The following TEAD2 variants were observed in gnomAD, a reference collection of about 807,000 sequenced individuals.
The protein encoded by TEAD2 is transcriptional enhancer factor TEF-4.
In TEAD2, 51 loss-of-function variants were observed where a neutral mutation model predicts 61.4. The observed-to-expected ratio is 0.83, with a 90% CI of 0.66 to 1.05. TEAD2 has a LOEUF of 1.05. TEAD2 is among the 50% of genes least tolerant of loss of function. The pLI, the probability that TEAD2 is intolerant of heterozygous loss-of-function variation, is 0.00. For missense variants in TEAD2, 509 were observed against 600.0 expected, an observed-to-expected ratio of 0.85 and a Z score of 1.58; for synonymous variants, 244 against 243.2, an observed-to-expected ratio of 1.00 and a Z score of -0.03.
At chr19:49,348,671 T>C in intron 9 of TEAD2, 32 bp downstream of exon 9, 1 of 1,586,870 alleles carries the variant, frequency 6.3e-7, no homozygotes, top group Non-Finnish European at 8.7e-7. Flanking sequence ...TATTTCAAAA[T>C]CCCTCAGCGA....
At chr19:49,356,642 G>A (rs1972418888) in intron 4 of TEAD2, among the ~76,000 whole-genome samples, 2 of 152,020 alleles carry the variant, frequency 1.3e-5, no homozygotes, top group African/African-American at 4.8e-5. Flanking sequence ...GGCCTTCACA[G>A]CACAAGAGGG....
chr19:49,342,350 G>A (rs1255117708), intron 12 of TEAD2, 88 bp downstream of exon 12: 5 of 1,520,202 alleles, frequency 3.3e-6, no homozygotes, highest in Non-Finnish European at 4.5e-6. Context: ...CAGTTCCTGG[G>A]TGAGGAGATC....
At chr19:49,353,971 G>T (rs55875938) in intron 7 of TEAD2, among the ~76,000 whole-genome samples, 24,309 of 137,402 alleles carry the variant, frequency 0.18, 2,551 homozygotes, top group Non-Finnish European at 0.23. Context: ...TTTTTTTTTT[G>T]GTGTTTTTAG....
At chr19:49,349,010 T>C (rs1971831630) in intron 8 of TEAD2, 165 bp from the exon 9 acceptor site, 1 of 801,848 alleles carries the variant, frequency 1.2e-6, no homozygotes, top group Non-Finnish European at 1.7e-6. Context: ...TCCTAGCCAA[T>C]GAGACGTTAG....
chr19:49,351,635 C>T (rs1044756554), intron 7 of TEAD2, among the ~76,000 whole-genome samples: 3 of 152,074 alleles, frequency 2.0e-5, no homozygotes, highest in African/African-American at 2.4e-5. Context: ...AGTCTCAGCC[C>T]GGTATCTCAG....
rs895891358 is a variant in TEAD2, at chr19:49,341,760, G to A, written c.1243-323C>T. ...AGGGAGAACCCTCCCTGCAGGTTCC[G>A]CGGTCAAGGGGTCTCTGCCTCAGCA... On this transcript the variant is annotated intron_variant, in intron 12 of 12. Coordinates refer to ENST00000593945, the MANE Select transcript of TEAD2 (RefSeq NM_001256660.2). This position sits in a 1 kb window ranked among gnomAD's most constrained non-coding sequence, Gnocchi z 4.2. Among the ~76,000 whole-genome samples the A allele has an allele frequency of 1.3e-5, 2 of 152,138 alleles. No individual in the cohort carries two copies. The highest frequency in any genetic ancestry group is 4.8e-5 in the African/African-American group (2 of 41,416).
intron 7 of TEAD2, among the ~76,000 whole-genome samples, chr19:49,352,539 G>A (rs979089200): frequency 2.0e-4 from 30 of 152,016 alleles, no homozygotes; most frequent in African/African-American, 7.2e-4. Flanking sequence ...CAAGACCCCA[G>A]CTCTATTTTT....
At chr19:49,351,441 CACA>C in intron 7 of TEAD2, 76 bp from the exon 8 acceptor site, 7 of 1,377,398 alleles carry the variant, frequency 5.1e-6, no homozygotes, top group Non-Finnish European at 7.0e-6. Context: ...ACTGAGAGGC[CACA>C]ACAAGCAAGA....
In TEAD2 at chr19:49,347,245, A is replaced by C; in HGVS notation, c.866T>G (p.Leu289Arg). ...GGGGCCACGATCATATAGCTCTCGG[A>C]GGCCACCCTTTTTCTCAGGGAATTT... ...YDKFPEKKGG[L>R]RELYDRGPPH... Residue 289 changes from leucine (L) to arginine (R), a missense_variant, in exon 10 of 13, where the codon CTC becomes CGC. By Grantham distance (102) the Leu-to-Arg change is moderately radical (BLOSUM62 -2). Coordinates refer to ENST00000593945, the MANE Select transcript of TEAD2 (RefSeq NM_001256660.2). 5.0e-6 allele frequency: 8 copies of C among 1,614,114 alleles called. No individual in the cohort carries two copies. The highest frequency in any genetic ancestry group is 6.8e-6 in the Non-Finnish European group (8 of 1,180,014).
rs577363640 is a variant in TEAD2, at chr19:49,346,409, C to T, written c.921+781G>A. ...CGGTGGCTCACACCTGTAATCCCAG[C>T]ACTTTGGGAGGCCAAGGTGGGCAGA... On this transcript the variant is annotated intron_variant, in intron 10 of 12. Transcript: ENST00000593945. Among the ~76,000 whole-genome samples, 6 of 152,122 alleles carry T rather than the reference C, an allele frequency of 3.9e-5. No individual in the cohort carries two copies. In the East Asian group the frequency reaches 5.8e-4, roughly 15 times the overall value.
intron 8 of TEAD2, among the ~76,000 whole-genome samples, chr19:49,350,507 A>C (rs1351269716): frequency 6.6e-6 from 1 of 151,546 alleles, no homozygotes; most frequent in East Asian, 1.9e-4. Flanking sequence ...TGTATTTTTT[A>C]GTAGAGGTTG....
At chr19:49,357,905 C>T (rs1357871870) in intron 3 of TEAD2, 1 of 154,882 alleles carries the variant, frequency 6.5e-6, no homozygotes, top group East Asian at 1.9e-4. Context: ...CAAGACCAGC[C>T]TGGCCAACAT....
At chr19:49,357,486 C>T in intron 3 of TEAD2, 172 bp from the exon 4 acceptor site, 2 of 695,230 alleles carry the variant, frequency 2.9e-6, no homozygotes, top group Non-Finnish European at 5.0e-6. Context: ...CATAAAGGAG[C>T]TCGTGAACAC....
In TEAD2 at chr19:49,359,480, G is replaced by A. The variant is rs1418863810; in HGVS notation, c.252C>T (p.Ala84=). ...GKMYGRNELI[A]RYIKLRTGKT... ...TCCCCGTTCTCAGCTTGATGTAGCG[G>A]GCGATCAGTTCATTCCGACCTGAAG... Residue 84 remains alanine (A), a synonymous_variant, in exon 3 of 13, where the codon GCC becomes GCT. Coordinates refer to ENST00000593945, the MANE Select transcript of TEAD2 (RefSeq NM_001256660.2). This position sits in a 1 kb window ranked among gnomAD's most constrained non-coding sequence, Gnocchi z 4.1. The A allele has an allele frequency of 3.1e-6, 5 of 1,614,022 alleles. No individual in the cohort carries two copies. The South Asian group carries it at 3.3e-5, about 11-fold the overall frequency.
chr19:49,342,596 C>A lies in TEAD2; in HGVS notation c.1090-6G>T. 2.5e-6 allele frequency: 4 copies of A among 1,608,170 alleles called. No homozygotes were observed. The highest frequency in any genetic ancestry group is 3.4e-6 in the Non-Finnish European group (4 of 1,175,626). The stretch of plus-strand genomic sequence containing the variant: ...TCCAGCTGGGCCCGTTCCGTCTGAA[C>A]CAAGGGGAAGGGAGTTGGGAAAATG... On this transcript the variant is annotated splice_region_variant and splice_polypyrimidine_tract_variant and intron_variant, in intron 11 of 12. Coordinates refer to ENST00000593945, the MANE Select transcript of TEAD2 (RefSeq NM_001256660.2).
In TEAD2 at chr19:49,340,953, G is replaced by A. The variant is rs562087608; in HGVS notation, c.*371C>T. 5.2e-5 allele frequency: 11 copies of A among 213,146 alleles called. No individual in the cohort carries two copies. Among genetic ancestry groups the A allele is most frequent in the Non-Finnish European group, 9.5e-5 (10 of 105,088 alleles). The allele number at this position is 213,146 out of a possible 1,614,324, so 13.2% of individuals were successfully genotyped here. ...GGGGACAAGCCAATGTGTAACTAGC[G>A]CTCTCCAAGACATGCAGAGGAGTGG... is the stretch of plus-strand genomic sequence containing the variant. On this transcript the variant is annotated 3_prime_UTR_variant, in exon 13 of 13. Transcript: ENST00000593945.
At chr19:49,347,463 G>T in intron 9 of TEAD2, 100 bp from the exon 10 acceptor site, 1 of 1,390,394 alleles carries the variant, frequency 7.2e-7, no homozygotes, top group Non-Finnish European at 9.9e-7. Flanking sequence ...CCACAGCTCT[G>T]GCCAGCTGTT....
At chr19:49,345,797 G>A (rs1244905314) in intron 10 of TEAD2, among the ~76,000 whole-genome samples, 1 of 152,152 alleles carries the variant, frequency 6.6e-6, no homozygotes, top group Non-Finnish European at 1.5e-5. Flanking sequence ...GGGAGGCCAA[G>A]GTGGGTGGAT....
chr19:49,360,186 G>A (rs1972738501), intron 1 of TEAD2, 105 bp from the exon 2 acceptor site: 10 of 895,594 alleles, frequency 1.1e-5, no homozygotes, highest in Non-Finnish European at 1.5e-5. Context: ...GGGAGGAGGG[G>A]CTGGGGACCT....
Sources: gnomAD v4.1 joint callset for allele counts (sites outside exome capture counted in the v4.1 genomes callset) on GRCh38, gnomAD v4.1.1 for gene constraint, Gnocchi (gnomAD v3.1) non-coding constraint, MANE v1.5 for transcripts, NCBI Gene and HGNC (gene_info 2026-07-23, HGNC 2026-07-21) for gene names.